TUSC3: variants seen among roughly 807,000 people sequenced by gnomAD.
The protein encoded by TUSC3 is dolichyl-diphosphooligosaccharide--protein glycosyltransferase subunit TUSC3.
Under a neutral mutation model 44.8 loss-of-function variants are expected in TUSC3, and 45 were observed. The ratio of observed to expected loss-of-function variants is 1.00; its 90% CI spans 0.79 to 1.29. The LOEUF (loss-of-function observed/expected upper bound fraction) is 1.29. Ranked by LOEUF, TUSC3 falls within the 50% of genes most tolerant of loss-of-function variation. The pLI, the probability that TUSC3 is intolerant of heterozygous loss-of-function variation, is 0.00. For synonymous variants in TUSC3, 212 were observed against 152.9 expected (o/e 1.39, Z -2.85); for missense variants, 519 against 437.9 (o/e 1.19, Z -1.65).
intron 1 of TUSC3, among the ~76,000 whole-genome samples, chr8:15,586,871 TC>T: frequency 1.3e-5 from 2 of 152,156 alleles, no homozygotes. Flanking sequence ...ATTGGGAACT[TC>T]CTGGAATTAA....
the TUSC3 span, among the ~76,000 whole-genome samples, chr8:15,813,542 G>A: frequency 6.6e-6 from 1 of 151,932 alleles, no homozygotes; most frequent in Non-Finnish European, 1.5e-5. Flanking sequence ...TGACAGCAAT[G>A]GGAAGATACT....
At chr8:15,535,846 C>T (rs28573172), upstream of TUSC3, among the ~76,000 whole-genome samples, 31,685 of 152,044 alleles carry the variant, frequency 0.21, 3,282 homozygotes, top group Middle Eastern at 0.27. Context: ...AGAGCCTTGA[C>T]CTGAATAAAG....
At chr8:15,522,140 A>G (rs1181583537) in intron 2 of TUSC3, among the ~76,000 whole-genome samples, 1 of 152,138 alleles carries the variant, frequency 6.6e-6, no homozygotes, top group African/African-American at 2.4e-5. Context: ...AATCAGGTCA[A>G]GAGTTTTTAT....
At chr8:15,504,483 T>C (rs1001529292) in intron 2 of TUSC3, among the ~76,000 whole-genome samples, 6 of 150,238 alleles carry the variant, frequency 4.0e-5, no homozygotes, top group African/African-American at 1.5e-4. Flanking sequence ...GAAACATATT[T>C]CTACTACTGC....
intron 1 of TUSC3, among the ~76,000 whole-genome samples, chr8:15,595,822 CTT>C (rs1037137843): frequency 1.4e-4 from 21 of 152,080 alleles, no homozygotes; most frequent in South Asian, 6.2e-4. Flanking sequence ...TAAAAATAGA[CTT>C]AAGATAATTT....
chr8:15,679,368 A>T (rs2129185055), intron 6 of TUSC3, among the ~76,000 whole-genome samples: 1 of 151,752 alleles, frequency 6.6e-6, no homozygotes, highest in East Asian at 1.9e-4. Context: ...GTTGATGAGC[A>T]TTTTTTCATG....
chr8:15,693,624 T>G (rs147221750), intron 6 of TUSC3, among the ~76,000 whole-genome samples: 6 of 152,024 alleles, frequency 3.9e-5, no homozygotes, highest in African/African-American at 1.4e-4. Context: ...TCATGTGTCT[T>G]GGGATGGTCA....
Position 15,549,238 on chromosome 8 carries a change from A to G in TUSC3, c.138+8670A>G, listed in dbSNP as rs150296684. ...CGCCCAGGCTGGAGTGCAGTGGGCT[A>G]TCTCTGCTCATTGCAACCCCTGCCT... is the stretch of plus-strand genomic sequence containing the variant. On this transcript the variant is annotated intron_variant, in intron 1 of 10. Coordinates refer to ENST00000503731, the MANE Select transcript of TUSC3 (RefSeq NM_006765.4). Among the ~76,000 whole-genome samples, 362 of 151,754 alleles carry G rather than the reference A, an allele frequency of 2.4e-3. 12 individuals are homozygous for G. The highest frequency in any genetic ancestry group is 6.8e-3 in the Middle Eastern group (2 of 294).
chr8:15,606,881 T>A (rs1302938328), intron 1 of TUSC3, among the ~76,000 whole-genome samples: 2 of 152,096 alleles, frequency 1.3e-5, no homozygotes, highest in Non-Finnish European at 2.9e-5. Context: ...GGTACAGTTT[T>A]AACTTACGTT....
chr8:15,524,939 G>T (rs933401574), intron 2 of TUSC3, among the ~76,000 whole-genome samples: 2 of 152,156 alleles, frequency 1.3e-5, no homozygotes, highest in African/African-American at 4.8e-5. Context: ...CTAAATTTTA[G>T]ACTAAAAGGG....
At chr8:15,428,836 A>G (rs2129116518) in intron 1 of TUSC3, among the ~76,000 whole-genome samples, 1 of 151,992 alleles carries the variant, frequency 6.6e-6, no homozygotes, top group East Asian at 1.9e-4. Context: ...TTTCTTGTAA[A>G]TTTGTTTGAG....
chr8:15,664,029 G>A (rs1436671871), intron 5 of TUSC3, among the ~76,000 whole-genome samples: 1 of 151,744 alleles, frequency 6.6e-6, no homozygotes, highest in Non-Finnish European at 1.5e-5. Flanking sequence ...TCCTCAAGAA[G>A]AGCCCAGAAT....
the TUSC3 span, among the ~76,000 whole-genome samples, chr8:15,832,146 T>G: frequency 3.3e-5 from 5 of 152,062 alleles, no homozygotes; most frequent in Admixed American, 6.6e-5. Context: ...CACTGAACAT[T>G]CTTAAATAAA....
chr8:15,575,003 G>C (rs1803037683), intron 1 of TUSC3, among the ~76,000 whole-genome samples: 1 of 152,016 alleles, frequency 6.6e-6, no homozygotes, highest in Admixed American at 6.6e-5. Context: ...TTCTTTTTCT[G>C]CTGTGCTTCA....
chr8:15,685,437 T>C (rs192141856), intron 6 of TUSC3, among the ~76,000 whole-genome samples: 68 of 152,308 alleles, frequency 4.5e-4, no homozygotes, highest in African/African-American at 1.6e-3. Context: ...TTTGATATTT[T>C]GGTTCCTCTT....
chr8:15,842,207 C>T, the TUSC3 span, among the ~76,000 whole-genome samples: 1 of 152,084 alleles, frequency 6.6e-6, no homozygotes, highest in African/African-American at 2.4e-5. Flanking sequence ...GAAGCTACAT[C>T]CTAAGAGAAC....
intron 5 of TUSC3, among the ~76,000 whole-genome samples, chr8:15,669,933 G>A (rs73195196): frequency 0.16 from 24,222 of 151,394 alleles, 1,982 homozygotes; most frequent in East Asian, 0.22. Context: ...GACCTAATTC[G>A]TAAATTGGGT....
chr8:15,539,001 C>T (rs919435194), upstream of TUSC3, among the ~76,000 whole-genome samples: 2 of 151,664 alleles, frequency 1.3e-5, no homozygotes, highest in Admixed American at 6.6e-5. Flanking sequence ...AAGTACTCCC[C>T]ACCATACCCA....
intron 6 of TUSC3, among the ~76,000 whole-genome samples, chr8:15,687,703 C>A (rs1279365177): frequency 6.6e-6 from 1 of 152,178 alleles, no homozygotes; most frequent in African/African-American, 2.4e-5. Context: ...AACGAAGAAC[C>A]TTGTGATTTG....
Sources: allele counts gnomAD v4.1 joint callset (sites outside exome capture counted in the v4.1 genomes callset), GRCh38; gene constraint gnomAD v4.1.1; transcripts MANE v1.5; gene names NCBI Gene and HGNC (gene_info 2026-07-23, HGNC 2026-07-21).